The following RPS6KC1 variants were observed in gnomAD, a reference collection of about 807,000 sequenced individuals.
RPS6KC1 encodes ribosomal protein S6 kinase C1, also known as inactive ribosomal protein S6 kinase delta-1.
RPS6KC1 carries 54 observed loss-of-function variants against 103.8 expected under a neutral mutation model. That is an observed-to-expected ratio of 0.52 (90% CI 0.42 to 0.65). The LOEUF (loss-of-function observed/expected upper bound fraction) is 0.65, where lower values mean the gene tolerates loss of function less well. Among genes scored for constraint, RPS6KC1 ranks in the 30% least tolerant of loss-of-function variants. RPS6KC1 has a pLI of 0.00. For synonymous variants in RPS6KC1, 439 were observed against 438.7 expected (o/e 1.00, Z -0.01); for missense variants, 1,151 against 1,253.8 (o/e 0.92, Z 1.24).
At chr1:213,801,595 T>C in the RPS6KC1 span, among the ~76,000 whole-genome samples, 1 of 151,630 alleles carries the variant, frequency 6.6e-6, no homozygotes, top group Non-Finnish European at 1.5e-5. Flanking sequence ...AAGGCTGTCA[T>C]TGTATGAGAC....
chr1:213,698,616 T>C, the RPS6KC1 span, among the ~76,000 whole-genome samples: 1 of 152,160 alleles, frequency 6.6e-6, no homozygotes. Flanking sequence ...CTGCCCTTGA[T>C]CAGATTTCTC....
the RPS6KC1 span, among the ~76,000 whole-genome samples, chr1:213,793,020 A>G: frequency 6.6e-6 from 1 of 152,140 alleles, no homozygotes; most frequent in South Asian, 2.1e-4. Flanking sequence ...GCATATAAAG[A>G]AACAAAGTTT....
chr1:213,796,451 T>C, the RPS6KC1 span, among the ~76,000 whole-genome samples: 1 of 152,148 alleles, frequency 6.6e-6, no homozygotes, highest in Admixed American at 6.5e-5. Flanking sequence ...CAGAGAGGCG[T>C]TTTGTATTCA....
the RPS6KC1 span, among the ~76,000 whole-genome samples, chr1:213,490,231 T>C: frequency 6.6e-5 from 10 of 152,296 alleles, no homozygotes; most frequent in Non-Finnish European, 1.5e-4. Flanking sequence ...AATGTCCTAT[T>C]GAATGAAAAC....
At chr1:213,303,126 T>C in the RPS6KC1 span, among the ~76,000 whole-genome samples, 1 of 152,230 alleles carries the variant, frequency 6.6e-6, no homozygotes, top group African/African-American at 2.4e-5. Flanking sequence ...TGGTGTATGC[T>C]GGCTCTTTGG....
chr1:213,658,615 T>C, the RPS6KC1 span, among the ~76,000 whole-genome samples: 2 of 152,232 alleles, frequency 1.3e-5, no homozygotes, highest in Non-Finnish European at 2.9e-5. Flanking sequence ...TAAATCCAAG[T>C]GCACAGGCGG....
chr1:213,506,468 T>G, the RPS6KC1 span, among the ~76,000 whole-genome samples: 36 of 152,342 alleles, frequency 2.4e-4, no homozygotes, highest in African/African-American at 8.4e-4. Flanking sequence ...GGTTTGACAT[T>G]AAATAACAAT....
the RPS6KC1 span, among the ~76,000 whole-genome samples, chr1:213,321,378 TCTGA>T: frequency 6.6e-6 from 1 of 152,238 alleles, no homozygotes; most frequent in Non-Finnish European, 1.5e-5. Context: ...ACCACTGTGA[TCTGA>T]CTAACTGTGT....
At chr1:213,376,720 G>C in the RPS6KC1 span, among the ~76,000 whole-genome samples, 1 of 152,164 alleles carries the variant, frequency 6.6e-6, no homozygotes, top group Non-Finnish European at 1.5e-5. Context: ...TGGGGCTCCA[G>C]GTTTGCCTTG....
chr1:213,668,431 G>T, the RPS6KC1 span, among the ~76,000 whole-genome samples: 1 of 87,436 alleles, frequency 1.1e-5, no homozygotes, highest in African/African-American at 3.3e-5. Context: ...CGAGGAGTAG[G>T]TCTTAATAGT....
the RPS6KC1 span, among the ~76,000 whole-genome samples, chr1:213,437,499 G>T: frequency 6.6e-6 from 1 of 151,984 alleles, no homozygotes; most frequent in Admixed American, 6.5e-5. Flanking sequence ...TGCTACCAAG[G>T]TTATACTGGT....
the RPS6KC1 span, among the ~76,000 whole-genome samples, chr1:213,811,757 A>T: frequency 6.6e-6 from 1 of 152,200 alleles, no homozygotes; most frequent in Non-Finnish European, 1.5e-5. Flanking sequence ...TCAAGACCAG[A>T]AAGATGGGGT....
At chr1:213,314,932 G>A in the RPS6KC1 span, among the ~76,000 whole-genome samples, 2 of 152,116 alleles carry the variant, frequency 1.3e-5, no homozygotes, top group Non-Finnish European at 2.9e-5. Flanking sequence ...TCCTGACCCT[G>A]TATGGTGTGC....
chr1:213,394,724 G>A, the RPS6KC1 span, among the ~76,000 whole-genome samples: 1 of 152,190 alleles, frequency 6.6e-6, no homozygotes, highest in Non-Finnish European at 1.5e-5. Flanking sequence ...TGGGGTGTTC[G>A]TGGGTGCTTT....
At chr1:213,432,596 T>C in the RPS6KC1 span, among the ~76,000 whole-genome samples, 1 of 152,276 alleles carries the variant, frequency 6.6e-6, no homozygotes, top group South Asian at 2.1e-4. Flanking sequence ...AAAAGCTTCC[T>C]TGTGTCTCAT....
chr1:213,547,017 T>C, the RPS6KC1 span, among the ~76,000 whole-genome samples: 1 of 152,220 alleles, frequency 6.6e-6, no homozygotes, highest in Non-Finnish European at 1.5e-5. Flanking sequence ...GTGATAGGTT[T>C]GCAGACTTTC....
At chr1:213,610,440 C>T in the RPS6KC1 span, among the ~76,000 whole-genome samples, 11 of 152,230 alleles carry the variant, frequency 7.2e-5, no homozygotes, top group South Asian at 4.2e-4. Context: ...ACCAGGGAAA[C>T]GAGTCGTCTG....
At chr1:213,114,188 A>G (rs1458259753) in intron 4 of RPS6KC1, among the ~76,000 whole-genome samples, 2 of 152,158 alleles carry the variant, frequency 1.3e-5, no homozygotes, top group African/African-American at 4.8e-5. Flanking sequence ...CTTCCTACCC[A>G]TGAGCATGGA....
At chr1:213,424,830 G>T in the RPS6KC1 span, among the ~76,000 whole-genome samples, 13 of 152,150 alleles carry the variant, frequency 8.5e-5, 1 homozygote. Flanking sequence ...TTCCCTACCT[G>T]TTATATTTAC....
Sources: gnomAD v4.1 joint callset for allele counts (sites outside exome capture counted in the v4.1 genomes callset) on GRCh38, gnomAD v4.1.1 for gene constraint, MANE v1.5 for transcripts, NCBI Gene and HGNC (gene_info 2026-07-23, HGNC 2026-07-21) for gene names.